Variants in ERBB4 observed in about 807,000 individuals in gnomAD.
The protein encoded by ERBB4 is erb-b2 receptor tyrosine kinase 4.
A neutral mutation model predicts 158.0 loss-of-function variants in ERBB4; 42 were observed. That is an observed-to-expected ratio of 0.27 (90% CI 0.21 to 0.34). The LOEUF is 0.34. ERBB4 is among the 10% of genes least tolerant of loss of function. The pLI is 1.00. For synonymous variants in ERBB4, 583 were observed against 558.7 expected, an observed-to-expected ratio of 1.04 and a Z score of -0.61; for missense variants, 1,333 against 1,624.1, an observed-to-expected ratio of 0.82 and a Z score of 3.08.
intron 1 of ERBB4, among the ~76,000 whole-genome samples, chr2:212,473,529 T>C (rs561819126): frequency 6.6e-6 from 1 of 152,266 alleles, no homozygotes; most frequent in African/African-American, 2.4e-5. Flanking sequence ...GCATAGTAAG[T>C]AGCTTTGTAT....
chr2:211,796,583 C>A (rs1243680811), intron 3 of ERBB4, among the ~76,000 whole-genome samples: 1 of 151,870 alleles, frequency 6.6e-6, no homozygotes, highest in Admixed American at 6.6e-5. Context: ...TGCTTCTTGA[C>A]CTTGTCAAGT....
intron 20 of ERBB4, among the ~76,000 whole-genome samples, chr2:211,502,968 G>T (rs1261441412): frequency 6.6e-6 from 1 of 152,066 alleles, no homozygotes; most frequent in African/African-American, 2.4e-5. Flanking sequence ...TTAATAGAGA[G>T]GCAATGGAGG....
Position 212,343,353 on chromosome 2 carries a change from G to C in ERBB4, c.82+195096C>G, listed in dbSNP as rs145049867. 9.2e-5 allele frequency among the ~76,000 whole-genome samples: 14 copies of C among 152,262 alleles called. No individual in the cohort carries two copies. In the East Asian group the frequency reaches 2.7e-3, roughly 29 times the overall value. The stretch of plus-strand genomic sequence containing the variant: ...ATTGCTTTAATCTATGCTTGTCATT[G>C]TGTCACAGTCCAGAGTATTCAGGTG... On this transcript the variant is annotated intron_variant, in intron 1 of 27. Transcript: ENST00000342788.
intron 2 of ERBB4, among the ~76,000 whole-genome samples, chr2:212,118,171 A>C (rs985656605): frequency 1.3e-5 from 2 of 152,174 alleles, no homozygotes; most frequent in African/African-American, 4.8e-5. Flanking sequence ...AATGAAAAGG[A>C]AGCACTAAAG....
chr2:212,430,517 T>C (rs1165402808), intron 1 of ERBB4, among the ~76,000 whole-genome samples: 1 of 151,944 alleles, frequency 6.6e-6, no homozygotes, highest in Non-Finnish European at 1.5e-5. Flanking sequence ...CTTGGCTCAC[T>C]GCAGCCTCCA....
At chr2:212,328,599 T>A (rs1574694304) in intron 1 of ERBB4, among the ~76,000 whole-genome samples, 1 of 152,040 alleles carries the variant, frequency 6.6e-6, no homozygotes, top group Non-Finnish European at 1.5e-5. Flanking sequence ...AGGTCTATAA[T>A]TCTTTAAAAC....
rs2080145091 is a variant in ERBB4 at position 211,930,529 on chromosome 2, T to C, written c.421+16901A>G. ...TACCGAGTCTGCAAACCAAGTCTAT[T>C]CTGCAGGTGTCTCACATCTCCACTG... is the stretch of plus-strand genomic sequence containing the variant. On this transcript the variant is annotated intron_variant, in intron 3 of 27. Coordinates refer to ENST00000342788, the MANE Select transcript of ERBB4 (RefSeq NM_005235.3). Among the ~76,000 whole-genome samples, 3 of 152,124 alleles carry C rather than the reference T, an allele frequency of 2.0e-5. No individual in the cohort carries two copies. In the South Asian group the frequency reaches 6.2e-4, roughly 32 times the overall value.
chr2:212,298,974 T>C (rs1427864446), intron 1 of ERBB4, among the ~76,000 whole-genome samples: 1 of 151,792 alleles, frequency 6.6e-6, no homozygotes, highest in African/African-American at 2.4e-5. Flanking sequence ...ATACTTTACA[T>C]GATAATAATT....
intron 3 of ERBB4, among the ~76,000 whole-genome samples, chr2:211,910,779 C>T (rs1277743209): frequency 6.6e-6 from 1 of 151,988 alleles, no homozygotes; most frequent in Non-Finnish European, 1.5e-5. Context: ...AATTAATTTC[C>T]TATTATTCAG....
chr2:211,657,175 G>A (rs908102871), intron 16 of ERBB4, among the ~76,000 whole-genome samples: 1 of 151,460 alleles, frequency 6.6e-6, no homozygotes, highest in Admixed American at 6.6e-5. Flanking sequence ...TCTATTAAAG[G>A]TATATATTAA....
At chr2:211,549,277 T>C (rs771228121) in intron 20 of ERBB4, among the ~76,000 whole-genome samples, 4 of 151,828 alleles carry the variant, frequency 2.6e-5, no homozygotes, top group Non-Finnish European at 5.9e-5. Context: ...TTTCTAGCAA[T>C]GGAGGTGGGA....
chr2:212,197,101 AAG>A (rs1267126285), intron 1 of ERBB4, among the ~76,000 whole-genome samples: 3 of 152,004 alleles, frequency 2.0e-5, no homozygotes, highest in Admixed American at 6.6e-5. Context: ...CAGCTGGGGG[AAG>A]AGACAAATTT....
intron 1 of ERBB4, among the ~76,000 whole-genome samples, chr2:212,391,018 A>G (rs2090838326): frequency 6.6e-6 from 1 of 151,824 alleles, no homozygotes; most frequent in South Asian, 2.1e-4. Flanking sequence ...TGTGAAAGTG[A>G]GATAGCATAT....
intron 16 of ERBB4, among the ~76,000 whole-genome samples, chr2:211,642,573 T>A (rs1011146825): frequency 1.1e-4 from 17 of 152,128 alleles, no homozygotes; most frequent in Non-Finnish European, 2.2e-4. Context: ...ATTCAGAGAT[T>A]AAAGGTAAAA....
At chr2:212,389,138 T>C (rs1383164417) in intron 1 of ERBB4, among the ~76,000 whole-genome samples, 3 of 152,114 alleles carry the variant, frequency 2.0e-5, no homozygotes, top group African/African-American at 7.2e-5. Flanking sequence ...TGCCTAAATC[T>C]GATGTTCCAG....
In ERBB4 at chr2:211,858,607, G is replaced by A. The variant is rs1400584406; in HGVS notation, c.422-70448C>T. Among the ~76,000 whole-genome samples the A allele has an allele frequency of 4.0e-5, 6 of 149,792 alleles. No individual in the cohort carries two copies. In the East Asian group the frequency reaches 1.2e-3, roughly 29 times the overall value. ...CAAAAAGCCATTTTTTTTTTATTTT[G>A]GCCAGCAATAAAATCCTTGGCTAGC... On this transcript the variant is annotated intron_variant, in intron 3 of 27. Transcript: ENST00000342788.
intron 1 of ERBB4, among the ~76,000 whole-genome samples, chr2:212,508,332 T>A (rs1017948487): frequency 1.3e-5 from 2 of 152,116 alleles, no homozygotes; most frequent in Non-Finnish European, 2.9e-5. Context: ...TATTATTATA[T>A]AGAAATAAAG....
chr2:211,829,899 C>G (rs1272796596), intron 3 of ERBB4, among the ~76,000 whole-genome samples: 1 of 152,100 alleles, frequency 6.6e-6, no homozygotes, highest in Non-Finnish European at 1.5e-5. Context: ...ATACAAAATG[C>G]CTGGCACATT....
At chr2:212,507,830 C>T (rs766264383) in intron 1 of ERBB4, among the ~76,000 whole-genome samples, 3 of 152,134 alleles carry the variant, frequency 2.0e-5, no homozygotes, top group Non-Finnish European at 4.4e-5. Flanking sequence ...ACTATATAAA[C>T]TCAGTTGAAA....
Sources: gnomAD v4.1 joint callset for allele counts (sites outside exome capture counted in the v4.1 genomes callset) on GRCh38, gnomAD v4.1.1 for gene constraint, MANE v1.5 for transcripts, NCBI Gene and HGNC (gene_info 2026-07-23, HGNC 2026-07-21) for gene names.